Variants in LRP2 observed in about 807,000 individuals in gnomAD.
The protein encoded by LRP2 is LDL receptor related protein 2.
A neutral mutation model predicts 531.0 loss-of-function variants in LRP2; 172 were observed. The ratio of observed to expected loss-of-function variants is 0.32; its 90% CI spans 0.29 to 0.37. LRP2 has a LOEUF of 0.37. Among genes scored for constraint, LRP2 ranks in the 10% least tolerant of loss-of-function variants. LRP2 has a pLI of 1.00. For missense variants in LRP2, 5,167 were observed against 5,868.3 expected (o/e 0.88, Z 3.90); for synonymous variants, 1,992 against 2,027.6 (o/e 0.98, Z 0.47).
In LRP2 at chr2:169,303,538, G is replaced by A. The variant is rs527269949; in HGVS notation, c.427+3743C>T. On this transcript the variant is annotated intron_variant, in intron 4 of 78. Transcript: ENST00000649046. ...AGGAAAACAAAATGGGATCACTCCT[G>A]CAACCCATCCCCTATACTAGCATTT... is the stretch of plus-strand genomic sequence containing the variant. 2.6e-5 allele frequency among the ~76,000 whole-genome samples: 4 copies of A among 152,258 alleles called. No homozygotes were observed. In the South Asian group the frequency reaches 8.3e-4, roughly 32 times the overall value.
chr2:169,166,577 G>A (rs1391418655), intron 61 of LRP2, among the ~76,000 whole-genome samples: 1 of 152,208 alleles, frequency 6.6e-6, no homozygotes, highest in Non-Finnish European at 1.5e-5. Flanking sequence ...GATGGCAGTT[G>A]TCATAGAGTC....
chr2:169,314,362 A>G (rs575952197), intron 3 of LRP2, among the ~76,000 whole-genome samples: 1 of 152,166 alleles, frequency 6.6e-6, no homozygotes, highest in East Asian at 1.9e-4. Context: ...TTATGTAGTT[A>G]GAGTGAGCTA....
chr2:169,345,409 G>A (rs767702812), intron 1 of LRP2, among the ~76,000 whole-genome samples: 27 of 152,082 alleles, frequency 1.8e-4, no homozygotes, highest in East Asian at 3.9e-4. Flanking sequence ...GGAACACTGC[G>A]TAAATAAAAA....
At chr2:169,248,121 A>T (rs1469486696) in intron 19 of LRP2, among the ~76,000 whole-genome samples, 4 of 139,936 alleles carry the variant, frequency 2.9e-5, no homozygotes, top group Non-Finnish European at 6.1e-5. Flanking sequence ...GTGTGGATTC[A>T]CCTACAACCA....
intron 19 of LRP2, among the ~76,000 whole-genome samples, chr2:169,255,870 C>G (rs971863856): frequency 6.6e-6 from 1 of 152,000 alleles, no homozygotes; most frequent in Non-Finnish European, 1.5e-5. Flanking sequence ...AGTGCTGTAC[C>G]CATATACACT....
In LRP2 at chr2:169,182,249, T is replaced by A; in HGVS notation, c.9916A>T (p.Met3306Leu). 1 of 1,614,088 alleles carries A rather than the reference T, an allele frequency of 6.2e-7. No homozygotes were observed. The highest frequency in any genetic ancestry group is 8.5e-7 in the Non-Finnish European group (1 of 1,179,976). ...VSDLNGGHRR[M>L]LAQHCVDANN... ...GCATCCACACAGTGCTGGGCCAGCA[T>A]GCGGCGGTGTCCACCATTGAGGTCA... is the stretch of plus-strand genomic sequence containing the variant. The change falls in exon 51 of 79, where the codon ATG (methionine) becomes TTG (leucine). Residue 3306 changes from methionine (M) to leucine (L), a missense_variant. Coordinates refer to ENST00000649046, the MANE Select transcript of LRP2 (RefSeq NM_004525.3).
intron 48 of LRP2, among the ~76,000 whole-genome samples, chr2:169,189,624 GA>G (rs1484652179): frequency 6.6e-6 from 1 of 152,012 alleles, no homozygotes; most frequent in Middle Eastern, 3.4e-3. Context: ...AGTGAGCCAA[GA>G]AAAAAAGAAG....
At chr2:169,130,575 C>T (rs1328442604) in intron 77 of LRP2, among the ~76,000 whole-genome samples, 2 of 152,156 alleles carry the variant, frequency 1.3e-5, no homozygotes, top group South Asian at 2.1e-4. Flanking sequence ...TGTGAGCCAC[C>T]GTGCCCAGCC....
intron 43 of LRP2, among the ~76,000 whole-genome samples, chr2:169,202,146 A>G (rs1380737185): frequency 1.3e-5 from 2 of 152,162 alleles, no homozygotes; most frequent in Non-Finnish European, 2.9e-5. Context: ...ATTTATCTCA[A>G]TCACAAAAAG....
chr2:169,278,292 C>T (rs190414242), intron 12 of LRP2, among the ~76,000 whole-genome samples: 14 of 152,158 alleles, frequency 9.2e-5, no homozygotes, highest in Non-Finnish European at 1.8e-4. Flanking sequence ...CAAGACCAGC[C>T]TGGGCAACAT....
chr2:169,237,889 T>G (rs1689662376), intron 27 of LRP2, among the ~76,000 whole-genome samples: 1 of 152,198 alleles, frequency 6.6e-6, no homozygotes, highest in Admixed American at 6.5e-5. Flanking sequence ...ATCACACATC[T>G]GCATTCAGAG....
rs1427936002 is a variant in LRP2, at chr2:169,201,923, A to G, written c.8210-53T>C. ...ACCCTCTTGATTAAAACATTATCCT[A>G]ATTTTTAAAAAGATACAATTAAATA... On this transcript the variant is annotated intron_variant, in intron 43 of 78. Coordinates refer to ENST00000649046, the MANE Select transcript of LRP2 (RefSeq NM_004525.3). 1.0e-5 allele frequency: 16 copies of G among 1,606,214 alleles called. No individual in the cohort carries two copies. The Admixed American group carries it at 2.7e-4, about 27-fold the overall frequency.
intron 21 of LRP2, 68 bp downstream of exon 21, chr2:169,246,637 T>G: frequency 6.4e-7 from 1 of 1,561,736 alleles, no homozygotes; most frequent in East Asian, 2.2e-5. Context: ...AAGCTTTTAT[T>G]TATTTTCTTT....
intron 48 of LRP2, among the ~76,000 whole-genome samples, chr2:169,189,773 C>A (rs1274307126): frequency 6.6e-6 from 1 of 151,600 alleles, no homozygotes; most frequent in Non-Finnish European, 1.5e-5. Context: ...TACTTAGAAG[C>A]TGATAGCTCA....
intron 1 of LRP2, among the ~76,000 whole-genome samples, chr2:169,331,333 C>T (rs760246365): frequency 2.6e-5 from 4 of 152,208 alleles, no homozygotes; most frequent in Admixed American, 6.5e-5. Flanking sequence ...ATCACTTAAG[C>T]GCTCAAACAT....
intron 43 of LRP2, among the ~76,000 whole-genome samples, chr2:169,202,413 C>T (rs2105326890): frequency 6.6e-6 from 1 of 152,300 alleles, no homozygotes; most frequent in Admixed American, 6.5e-5. Context: ...ATGCCTCATG[C>T]TAAGGGATTT....
In LRP2 at chr2:169,170,532, C is replaced by T. The variant is rs1288477156; in HGVS notation, c.11380+19G>A. ...TCACAGTACAAAATTCTATGGTAAG[C>T]TTCTCAAATGACAGTTACCACAGTC... On this transcript the variant is annotated intron_variant, in intron 59 of 78. Coordinates refer to ENST00000649046, the MANE Select transcript of LRP2 (RefSeq NM_004525.3). 1 of 1,586,724 alleles carries T rather than the reference C, an allele frequency of 6.3e-7. No homozygotes were observed. Among genetic ancestry groups the T allele is most frequent in the Admixed American group, 1.7e-5 (1 of 59,976 alleles).
At chr2:169,232,802 C>T (rs539254312) in intron 30 of LRP2, among the ~76,000 whole-genome samples, 1 of 152,166 alleles carries the variant, frequency 6.6e-6, no homozygotes, top group African/African-American at 2.4e-5. Flanking sequence ...AATGTGGCAA[C>T]AGCGAGTGGG....
At chr2:169,256,260 A>G (rs1574185253) in intron 18 of LRP2, 24 bp from the exon 19 acceptor site, 1 of 1,604,966 alleles carries the variant, frequency 6.2e-7, no homozygotes, top group African/African-American at 1.3e-5. Context: ...ATATTTAGTT[A>G]TCTCTTATCC....
Sources: allele counts gnomAD v4.1 joint callset (sites outside exome capture counted in the v4.1 genomes callset), GRCh38; gene constraint gnomAD v4.1.1; transcripts MANE v1.5; gene names NCBI Gene and HGNC (gene_info 2026-07-23, HGNC 2026-07-21).